CCNJL: variants seen among roughly 807,000 people sequenced by gnomAD.
The protein encoded by CCNJL is cyclin-J-like protein.
Under a neutral mutation model 33.4 loss-of-function variants are expected in CCNJL, and 33 were observed. The observed-to-expected ratio is 0.99, with a 90% CI of 0.75 to 1.32. CCNJL has a LOEUF of 1.32. Ranked by LOEUF, CCNJL falls within the 40% of genes most tolerant of loss-of-function variation. CCNJL has a pLI of 0.00. For missense variants in CCNJL, 512 were observed against 499.7 expected, an observed-to-expected ratio of 1.02 and a Z score of -0.23; for synonymous variants, 227 against 220.9, an observed-to-expected ratio of 1.03 and a Z score of -0.24.
chr5:160,295,611 C>A (rs1218936299), intron 2 of CCNJL, among the ~76,000 whole-genome samples: 1 of 152,044 alleles, frequency 6.6e-6, no homozygotes, highest in Non-Finnish European at 1.5e-5. Flanking sequence ...TAAACAGAGA[C>A]AGAGACACAG....
At chr5:160,263,198 G>C (rs115539526) in intron 3 of CCNJL, among the ~76,000 whole-genome samples, 1,922 of 152,292 alleles carry the variant, frequency 0.013, 33 homozygotes, top group African/African-American at 0.044. Flanking sequence ...ACCATTTCTA[G>C]TCAAGTTGCA....
Position 160,250,411 on chromosome 5 carries a change from T to G in CCNJL, c.*2967A>C, listed in dbSNP as rs927552357. On this transcript the variant is annotated 3_prime_UTR_variant, in exon 6 of 6. Transcript: ENST00000257536. The stretch of plus-strand genomic sequence containing the variant: ...GCCCTCAGCCCCGCCCTTGGCGGTG[T>G]CAAACACACTCCTGGGTCTGGGCTG... 3.9e-5 allele frequency: 6 copies of G among 152,238 alleles called. No individual in the cohort carries two copies. Among genetic ancestry groups the G allele is most frequent in the Admixed American group, 6.5e-5 (1 of 15,278 alleles). The allele number at this position is 152,238 out of a possible 1,614,324, so 9.4% of individuals were successfully genotyped here.
intron 1 of CCNJL, among the ~76,000 whole-genome samples, chr5:160,330,590 C>T (rs1299671501): frequency 6.6e-6 from 1 of 152,340 alleles, no homozygotes; most frequent in East Asian, 1.9e-4. Context: ...TCCTGGCCAC[C>T]AGGTCACCCC....
chr5:160,320,957 C>T (rs1763444309), intron 1 of CCNJL, among the ~76,000 whole-genome samples: 1 of 143,642 alleles, frequency 7.0e-6, no homozygotes, highest in African/African-American at 2.6e-5. Flanking sequence ...CCCTCCTTCT[C>T]TCCTCTCTGT....
chr5:160,253,114 CCT>C lies in CCNJL; in HGVS notation c.*262_*263del, dbSNP rs772420590. 206 of 380,260 alleles carry C rather than the reference CCT, an allele frequency of 5.4e-4. 1 individual carries two copies. The highest frequency in any genetic ancestry group is 8.1e-4 in the Non-Finnish European group (172 of 213,076). The allele number at this position is 380,260 out of a possible 1,614,324, so 23.6% of individuals were successfully genotyped here. ...CAAGTCTTTCTCGATTCACTGGGCC[CCT>C]GTGTGGGGGGACGGCCACCAAGCCA... is the stretch of plus-strand genomic sequence containing the variant. On this transcript the variant is annotated 3_prime_UTR_variant, in exon 6 of 6. Coordinates refer to ENST00000257536, the MANE Select transcript of CCNJL (RefSeq NM_001308173.3).
chr5:160,322,906 C>G (rs12516677), intron 1 of CCNJL, among the ~76,000 whole-genome samples: 5,146 of 148,656 alleles, frequency 0.035, 104 homozygotes, highest in South Asian at 0.068. Flanking sequence ...GAGCAACACT[C>G]CATCTCAAAA....
chr5:160,278,491 C>T (rs932083498), intron 3 of CCNJL, among the ~76,000 whole-genome samples: 3 of 152,152 alleles, frequency 2.0e-5, no homozygotes, highest in African/African-American at 7.2e-5. Flanking sequence ...GGATTTCAGG[C>T]TGTCATGGAA....
chr5:160,280,488 C>T (rs760654439), intron 3 of CCNJL, 37 bp downstream of exon 3: 12 of 1,553,156 alleles, frequency 7.7e-6, no homozygotes, highest in East Asian at 4.5e-5. Flanking sequence ...GGGAGGAGAC[C>T]GCACAAGCGC....
intron 2 of CCNJL, among the ~76,000 whole-genome samples, chr5:160,302,824 AAAAT>A (rs1021071791): frequency 1.4e-5 from 2 of 147,218 alleles, no homozygotes; most frequent in African/African-American, 5.0e-5. Context: ...TAAAAAAAAA[AAAAT>A]AATAATAATA....
intron 3 of CCNJL, among the ~76,000 whole-genome samples, chr5:160,278,607 CCTCT>C (rs1402025503): frequency 6.6e-6 from 1 of 152,294 alleles, no homozygotes; most frequent in East Asian, 1.9e-4. Flanking sequence ...GGGGCGTCTG[CCTCT>C]CTGTCTGAAA....
chr5:160,268,290 C>T (rs981537035), intron 3 of CCNJL, among the ~76,000 whole-genome samples: 6 of 152,128 alleles, frequency 3.9e-5, no homozygotes, highest in African/African-American at 1.5e-4. Flanking sequence ...GCAGTGCCCA[C>T]ACTCTGATGA....
At position 160,251,818 on chromosome 5, in the gene CCNJL, A is replaced by C. The variant is rs915818466; in HGVS notation, c.*1560T>G. 2.6e-5 allele frequency: 4 copies of C among 152,238 alleles called. No homozygotes were observed. The highest frequency in any genetic ancestry group is 9.6e-5 in the African/African-American group (4 of 41,464). 9.4% of individuals were successfully genotyped at this position (152,238 alleles called of 1,614,324 possible). ...TAGAACGGAGGTTGGCAAAGGAAAA[A>C]AAAACAACAACAAATGAACGTGCAG... On this transcript the variant is annotated 3_prime_UTR_variant, in exon 6 of 6. Coordinates refer to ENST00000257536, the MANE Select transcript of CCNJL (RefSeq NM_001308173.3).
intron 3 of CCNJL, among the ~76,000 whole-genome samples, chr5:160,272,562 G>T (rs893991247): frequency 1.3e-5 from 2 of 152,184 alleles, no homozygotes; most frequent in African/African-American, 4.8e-5. Context: ...CGGGTGAGGG[G>T]CCGGGATGGA....
chr5:160,303,274 C>A (rs1054452117), intron 2 of CCNJL, among the ~76,000 whole-genome samples: 1 of 152,116 alleles, frequency 6.6e-6, no homozygotes, highest in Admixed American at 6.5e-5. Context: ...GGTGCAATCT[C>A]GGCTCACTGC....
chr5:160,255,249 G>T (rs1346633362), intron 5 of CCNJL: 6 of 183,410 alleles, frequency 3.3e-5, no homozygotes, highest in Non-Finnish European at 1.1e-5. Context: ...GGAGGCGGAG[G>T]TTGCAGTGAG....
rs112755268 is a variant in CCNJL, at chr5:160,288,439, A to C, written c.67-7701T>G. 1.8e-3 allele frequency among the ~76,000 whole-genome samples: 275 copies of C among 152,322 alleles called. 3 individuals are homozygous for C. Among genetic ancestry groups the C allele is most frequent in the African/African-American group, 6.5e-3 (270 of 41,564 alleles). Reference sequence around the variant, plus strand: ...TTAACAAAATCTGCCCTGTCATAATAACACCCCATGCCCAGTAAGTATCCC... The same window carrying C: ...TTAACAAAATCTGCCCTGTCATAATCACACCCCATGCCCAGTAAGTATCCC... On this transcript the variant is annotated intron_variant, in intron 2 of 5. Coordinates refer to ENST00000257536, the MANE Select transcript of CCNJL (RefSeq NM_001308173.3).
chr5:160,260,890 G>A (rs1441614157), intron 3 of CCNJL, among the ~76,000 whole-genome samples: 1 of 152,092 alleles, frequency 6.6e-6, no homozygotes, highest in African/African-American at 2.4e-5. Flanking sequence ...TGTACTGTAC[G>A]ACTCCCACAT....
At chr5:160,303,443 T>C (rs1260249366) in intron 2 of CCNJL, among the ~76,000 whole-genome samples, 1 of 151,644 alleles carries the variant, frequency 6.6e-6, no homozygotes, top group Admixed American at 6.6e-5. Flanking sequence ...TGATCTCAAG[T>C]GAGCCACCTG....
chr5:160,252,511 C>T lies in CCNJL; in HGVS notation c.*867G>A, dbSNP rs1382199385. The stretch of plus-strand genomic sequence containing the variant: ...CTAGTGGTGAACACAGCCTCCAAGA[C>T]GTGGAATCTTCCGGAACCGAGAGCT... On this transcript the variant is annotated 3_prime_UTR_variant, in exon 6 of 6. Coordinates refer to ENST00000257536, the MANE Select transcript of CCNJL (RefSeq NM_001308173.3). 1.3e-5 allele frequency: 2 copies of T among 152,378 alleles called. No homozygotes were observed. Among genetic ancestry groups the T allele is most frequent in the Non-Finnish European group, 2.9e-5 (2 of 68,030 alleles). 9.4% of individuals were successfully genotyped at this position (152,378 alleles called of 1,614,324 possible).
Sources: gnomAD v4.1 joint callset for allele counts (sites outside exome capture counted in the v4.1 genomes callset) on GRCh38, gnomAD v4.1.1 for gene constraint, MANE v1.5 for transcripts, NCBI Gene and HGNC (gene_info 2026-07-23, HGNC 2026-07-21) for gene names.